Variants in MAN1A1 observed in about 807,000 individuals in gnomAD.
The protein encoded by MAN1A1 is mannosidase alpha class 1A member 1, also known as mannosyl-oligosaccharide 1,2-alpha-mannosidase IA.
A neutral mutation model predicts 70.8 loss-of-function variants in MAN1A1; 29 were observed. That is an observed-to-expected ratio of 0.41 (90% CI 0.31 to 0.56). The LOEUF (loss-of-function observed/expected upper bound fraction) is 0.56, where lower values mean the gene tolerates loss of function less well. MAN1A1 is among the 20% of genes least tolerant of loss of function. The pLI, the probability that MAN1A1 is intolerant of heterozygous loss-of-function variation, is 0.29. For missense variants in MAN1A1, 747 were observed against 841.3 expected (o/e 0.89, Z 1.39); for synonymous variants, 349 against 330.1 (o/e 1.06, Z -0.62).
chr6:119,243,771 T>C (rs1015803796), intron 6 of MAN1A1, among the ~76,000 whole-genome samples: 2 of 152,062 alleles, frequency 1.3e-5, no homozygotes, highest in Non-Finnish European at 2.9e-5. Flanking sequence ...GAATAGTCAG[T>C]AAATAAAGCT....
intron 6 of MAN1A1, among the ~76,000 whole-genome samples, chr6:119,234,947 G>C (rs1464836321): frequency 6.6e-6 from 1 of 152,100 alleles, no homozygotes; most frequent in Non-Finnish European, 1.5e-5. Context: ...TTGTCATTAT[G>C]ATGATATCTG....
intron 5 of MAN1A1, among the ~76,000 whole-genome samples, chr6:119,278,979 TAAATTACCCAGCCTCA>T (rs1776156089): frequency 1.7e-4 from 26 of 152,122 alleles, no homozygotes; most frequent in Admixed American, 4.6e-4. Flanking sequence ...CTCTTCTTTA[TAAATTACCCAGCCTCA>T]GTATTCTTTT....
At chr6:119,333,327 A>T (rs1021318723) in intron 2 of MAN1A1, among the ~76,000 whole-genome samples, 14 of 152,184 alleles carry the variant, frequency 9.2e-5, no homozygotes, top group African/African-American at 3.1e-4. Flanking sequence ...CACCAGTGGT[A>T]ATGTATGGAA....
chr6:119,347,103 G>A (rs1161483376), intron 2 of MAN1A1, among the ~76,000 whole-genome samples: 1 of 152,204 alleles, frequency 6.6e-6, no homozygotes, highest in African/African-American at 2.4e-5. Flanking sequence ...ATGGACTGTG[G>A]AAGGAAGCTA....
chr6:119,315,518 G>A (rs375483572), intron 2 of MAN1A1, among the ~76,000 whole-genome samples: 1 of 152,112 alleles, frequency 6.6e-6, no homozygotes. Context: ...GCATTTAATG[G>A]TTCTCTTTTT....
At chr6:119,305,578 A>T (rs1470574218) in intron 3 of MAN1A1, among the ~76,000 whole-genome samples, 2 of 151,914 alleles carry the variant, frequency 1.3e-5, no homozygotes, top group African/African-American at 4.8e-5. Context: ...AAACTGTGTC[A>T]CTCTGATAGA....
At chr6:119,212,355 G>A (rs1012923773) in intron 6 of MAN1A1, among the ~76,000 whole-genome samples, 5 of 152,066 alleles carry the variant, frequency 3.3e-5, no homozygotes, top group African/African-American at 1.2e-4. Context: ...GGTAGTTTTT[G>A]GCAGAAATTC....
intron 5 of MAN1A1, among the ~76,000 whole-genome samples, chr6:119,278,378 A>C (rs1287403093): frequency 1.3e-5 from 2 of 152,214 alleles, no homozygotes; most frequent in Non-Finnish European, 2.9e-5. Context: ...CTCTAGAGTC[A>C]TAATGTTTGT....
At chr6:119,306,856 GAA>G (rs1772548419) in intron 3 of MAN1A1, 38 bp downstream of exon 3, 2 of 1,361,128 alleles carry the variant, frequency 1.5e-6, no homozygotes, top group East Asian at 2.3e-5. Flanking sequence ...CAATTGGGGA[GAA>G]GTTATCGTCA....
chr6:119,256,079 G>GT (rs939573851), intron 5 of MAN1A1, among the ~76,000 whole-genome samples: 65 of 151,300 alleles, frequency 4.3e-4, no homozygotes, highest in Admixed American at 2.6e-3. Context: ...TTCCCAACTT[G>GT]TTTTTTTTCA....
chr6:119,303,007 C>A (rs982677448), intron 3 of MAN1A1, among the ~76,000 whole-genome samples: 2 of 152,018 alleles, frequency 1.3e-5, no homozygotes, highest in Admixed American at 6.6e-5. Flanking sequence ...ACGTGTGCAT[C>A]TTTTAGTCTA....
In MAN1A1 at chr6:119,349,621, C is replaced by T. The variant is rs2114522313; in HGVS notation, c.-302G>A. On this transcript the variant is annotated 5_prime_UTR_variant, in exon 1 of 13. Coordinates refer to ENST00000368468, the MANE Select transcript of MAN1A1 (RefSeq NM_005907.4). ...CCCATCTCCGCGCTGAGACTGCTGC[C>T]TCTTTCCTAGGCTGGGCTGAGCGCG... 1.0e-6 allele frequency: 1 copy of T among 985,976 alleles called. No homozygotes were observed. Among genetic ancestry groups the T allele is most frequent in the Non-Finnish European group, 1.2e-6 (1 of 830,036 alleles). The allele number at this position is 985,976 out of a possible 1,614,324, so 61.1% of individuals were successfully genotyped here.
At chr6:119,276,817 T>C (rs972390987) in intron 5 of MAN1A1, among the ~76,000 whole-genome samples, 1 of 152,182 alleles carries the variant, frequency 6.6e-6, no homozygotes, top group Admixed American at 6.5e-5. Flanking sequence ...AAAATATGAT[T>C]ACACAAGTAA....
At chr6:119,325,397 C>T (rs1773119328) in intron 2 of MAN1A1, among the ~76,000 whole-genome samples, 1 of 152,176 alleles carries the variant, frequency 6.6e-6, no homozygotes, top group South Asian at 2.1e-4. Flanking sequence ...GTGGCTCACA[C>T]CTATAATCCC....
At chr6:119,249,291 C>T (rs1304652454) in intron 5 of MAN1A1, among the ~76,000 whole-genome samples, 1 of 152,104 alleles carries the variant, frequency 6.6e-6, no homozygotes, top group Non-Finnish European at 1.5e-5. Context: ...GCCACAAATG[C>T]GAGGCTAAAA....
At chr6:119,305,765 G>A (rs1320788977) in intron 3 of MAN1A1, among the ~76,000 whole-genome samples, 2 of 152,116 alleles carry the variant, frequency 1.3e-5, no homozygotes, top group African/African-American at 4.8e-5. Context: ...TGTGTACTAG[G>A]CAAAGACTTG....
At chr6:119,331,910 A>G in intron 2 of MAN1A1, 1 of 497,456 alleles carries the variant, frequency 2.0e-6, no homozygotes, top group Non-Finnish European at 4.0e-6. Context: ...GCACAAGAAG[A>G]GGGTGGGGGC....
chr6:119,349,591 C>T lies in MAN1A1; in HGVS notation c.-272G>A. On this transcript the variant is annotated 5_prime_UTR_variant, in exon 1 of 13. Transcript: ENST00000368468. ...GGGCGGGAGACTCGTCAACTTCGCC[C>T]GCTCCCCATCTCCGCGCTGAGACTG... 7.1e-6 allele frequency: 7 copies of T among 986,010 alleles called. No individual in the cohort carries two copies. The highest frequency in any genetic ancestry group is 8.4e-6 in the Non-Finnish European group (7 of 830,070). The allele number at this position is 986,010 out of a possible 1,614,324, so 61.1% of individuals were successfully genotyped here. A position where few individuals can be genotyped will look rare whatever the true frequency, so the allele number is the denominator to read the frequency against.
chr6:119,277,950 A>AGT, intron 5 of MAN1A1, among the ~76,000 whole-genome samples: 1 of 136,448 alleles, frequency 7.3e-6, no homozygotes, highest in Non-Finnish European at 1.6e-5. Flanking sequence ...AAAAAAAAAA[A>AGT]AAAAAAAAGT....
Sources: gnomAD v4.1 joint callset for allele counts (sites outside exome capture counted in the v4.1 genomes callset) on GRCh38, gnomAD v4.1.1 for gene constraint, MANE v1.5 for transcripts, NCBI Gene and HGNC (gene_info 2026-07-23, HGNC 2026-07-21) for gene names.